The following TRRAP variants were observed in gnomAD, a reference collection of about 807,000 sequenced individuals.
TRRAP encodes the protein transformation/transcription domain associated protein, also known as transformation/transcription domain-associated protein.
A neutral mutation model predicts 438.8 loss-of-function variants in TRRAP; 41 were observed. That is an observed-to-expected ratio of 0.09 (90% confidence interval 0.07 to 0.12). The LOEUF (loss-of-function observed/expected upper bound fraction) is 0.12. Among genes scored for constraint, TRRAP ranks in the 10% least tolerant of loss-of-function variants. The pLI, the probability that TRRAP is intolerant of heterozygous loss-of-function variation, is 1.00. For synonymous variants in TRRAP, 1,994 were observed against 1,962.9 expected, an observed-to-expected ratio of 1.02 and a Z score of -0.42; for missense variants, 3,122 against 5,055.1, an observed-to-expected ratio of 0.62 and a Z score of 11.60.
intron 21 of TRRAP, among the ~76,000 whole-genome samples, chr7:98,924,353 A>G (rs1275881409): frequency 1.3e-5 from 2 of 152,220 alleles, no homozygotes; most frequent in Non-Finnish European, 2.9e-5. Flanking sequence ...TTAAAGCTGT[A>G]TTGTATTAAA....
rs764679937 is a variant in TRRAP at position 98,964,590 on chromosome 7, T to C, written c.6830-39T>C. The C allele has an allele frequency of 2.5e-6, 4 of 1,598,886 alleles. No individual in the cohort carries two copies. The South Asian group carries it at 3.4e-5, about 14-fold the overall frequency. On this transcript the variant is annotated intron_variant, in intron 47 of 72. Transcript: ENST00000456197. ...CTTTCACTCTGTTTTTCGTGGTTGT[T>C]ACTTTTCTGTGAAACACTTGGCAAT...
At chr7:99,004,701 G>A (rs1330810028) in intron 68 of TRRAP, among the ~76,000 whole-genome samples, 1 of 152,200 alleles carries the variant, frequency 6.6e-6, no homozygotes, top group Non-Finnish European at 1.5e-5. Context: ...GTAAATCCTC[G>A]AAGCACAGTA....
chr7:98,936,241 T>A (rs1396644086), intron 28 of TRRAP, among the ~76,000 whole-genome samples: 1 of 152,210 alleles, frequency 6.6e-6, no homozygotes, highest in Non-Finnish European at 1.5e-5. Flanking sequence ...ATTTTTATGC[T>A]CTTAATAACA....
chr7:98,892,898 C>T (rs782363135), intron 5 of TRRAP, among the ~76,000 whole-genome samples: 1 of 152,172 alleles, frequency 6.6e-6, no homozygotes, highest in African/African-American at 2.4e-5. Flanking sequence ...GAGTATCTCA[C>T]ATCCTTGGGG....
chr7:98,916,751 T>C (rs1244103019), intron 19 of TRRAP, among the ~76,000 whole-genome samples: 1 of 152,294 alleles, frequency 6.6e-6, no homozygotes, highest in African/African-American at 2.4e-5. Flanking sequence ...TCATTCAAGC[T>C]GACCCTGTGC....
chr7:98,937,315 T>C (rs782163285), intron 29 of TRRAP, 38 bp downstream of exon 29: 5 of 1,570,652 alleles, frequency 3.2e-6, no homozygotes, highest in African/African-American at 1.4e-5. Context: ...CACGCGTGTG[T>C]GCACACACAT....
intron 67 of TRRAP, among the ~76,000 whole-genome samples, chr7:99,001,281 A>C (rs1275942814): frequency 6.6e-6 from 1 of 152,200 alleles, no homozygotes; most frequent in African/African-American, 2.4e-5. Context: ...CTCTTTGAAA[A>C]GTGAAGGGCA....
chr7:98,886,583 ATC>A (rs2116264637), intron 3 of TRRAP, among the ~76,000 whole-genome samples: 1 of 152,304 alleles, frequency 6.6e-6, no homozygotes, highest in Non-Finnish European at 1.5e-5. Flanking sequence ...GACTTTTGCA[ATC>A]TGTGTATCAA....
rs74968836 is a variant in TRRAP at position 99,005,487 on chromosome 7, G to A, written c.10753+139G>A. 0.049 allele frequency: 38,359 copies of A among 790,124 alleles called. 1,142 individuals carry two copies. The highest frequency in any genetic ancestry group is 0.07 in the Middle Eastern group (213 of 3,028). 48.9% of individuals were successfully genotyped at this position (790,124 alleles called of 1,614,324 possible). On this transcript the variant is annotated intron_variant, in intron 69 of 72. Coordinates refer to ENST00000456197, the MANE Select transcript of TRRAP (RefSeq NM_001375524.1). The surrounding 1 kb of genome is among the most constrained non-coding windows in gnomAD (Gnocchi z 5.1). The stretch of plus-strand genomic sequence containing the variant: ...GCGTCAGCAGAGAATGTTGTAGTCT[G>A]TGCTGACCAGGGAAGGCCTCAGGAA...
In TRRAP at chr7:98,930,664, T is replaced by C. The variant is rs782809152; in HGVS notation, c.3425T>C (p.Val1142Ala). 3.1e-6 allele frequency: 5 copies of C among 1,614,040 alleles called. No homozygotes were observed. The highest frequency in any genetic ancestry group is 4.2e-6 in the Non-Finnish European group (5 of 1,180,020). ...CAGCTGCCCCTGTTTTCTTACATCGTGGAGCGCCTGTGTGCATGTTGTTAT... is the reference window on the plus strand; with the variant it reads ...CAGCTGCCCCTGTTTTCTTACATCGCGGAGCGCCTGTGTGCATGTTGTTAT... ...ACQLPLFSYI[V>A]ERLCACCYEQ... The change falls in exon 25 of 73, where the codon GTG becomes GCG. Residue 1142 changes from valine (V) to alanine (A), a missense_variant. Val to Ala is a moderately conservative substitution (Grantham distance 64). Coordinates refer to ENST00000456197, the MANE Select transcript of TRRAP (RefSeq NM_001375524.1).
Position 99,013,153 on chromosome 7 carries a change from C to T in TRRAP, c.*798C>T, listed in dbSNP as rs1794495220. Reference sequence around the variant, plus strand: ...TTCGCTAGCTTTAGTCTTTCTGTTCCCATTTTTATAAATCTGAGCATTGAT... The same window carrying T: ...TTCGCTAGCTTTAGTCTTTCTGTTCTCATTTTTATAAATCTGAGCATTGAT... On this transcript the variant is annotated 3_prime_UTR_variant, in exon 73 of 73. Coordinates refer to ENST00000456197, the MANE Select transcript of TRRAP (RefSeq NM_001375524.1). 1 of 152,116 alleles carries T rather than the reference C, an allele frequency of 6.6e-6. No individual in the cohort carries two copies. Among genetic ancestry groups the T allele is most frequent in the Admixed American group, 6.5e-5 (1 of 15,282 alleles). The allele number at this position is 152,116 out of a possible 1,614,324, so 9.4% of individuals were successfully genotyped here.
intron 64 of TRRAP, 148 bp from the exon 65 acceptor site, chr7:98,991,989 A>T: frequency 1.3e-6 from 1 of 789,390 alleles, no homozygotes; most frequent in Non-Finnish European, 2.1e-6. Flanking sequence ...CTTGTGCGTC[A>T]GATCAGTGCT....
In TRRAP at chr7:98,908,815, C is replaced by G; in HGVS notation, c.1203C>G (p.Leu401=). 3.1e-6 allele frequency: 5 copies of G among 1,610,632 alleles called. No homozygotes were observed. Among genetic ancestry groups the G allele is most frequent in the Middle Eastern group, 1.7e-4 (1 of 6,060 alleles). The stretch of plus-strand genomic sequence containing the variant: ...GCGACCTCTCCCTCGCCGTCCAGCT[C>G]TTCGCCAAGAACATCGACGATGAGT... ...PLSDLSLAVQ[L]FAKNIDDESL... The change falls in exon 14 of 73, where the codon CTC becomes CTG. Residue 401 remains leucine (L), a synonymous_variant. Transcript: ENST00000456197. The surrounding 1 kb of genome is among the most constrained non-coding windows in gnomAD (Gnocchi z 4.1).
chr7:98,976,844 C>G lies in TRRAP; in HGVS notation c.8247+74C>G. 6.3e-7 allele frequency: 1 copy of G among 1,599,166 alleles called. No homozygotes were observed. The highest frequency in any genetic ancestry group is 8.5e-7 in the Non-Finnish European group (1 of 1,171,590). On this transcript the variant is annotated intron_variant, in intron 55 of 72. Transcript: ENST00000456197. This position sits in a 1 kb window ranked among gnomAD's most constrained non-coding sequence, Gnocchi z 4.6. Reference sequence around the variant, plus strand: ...TCACACTTTAAATAAATACTCCTCCCAAATGATTTCAAATGACAGCACAGT... The same window carrying G: ...TCACACTTTAAATAAATACTCCTCCGAAATGATTTCAAATGACAGCACAGT...
chr7:98,966,179 G>A (rs930401103), intron 49 of TRRAP, among the ~76,000 whole-genome samples: 6 of 151,758 alleles, frequency 4.0e-5, no homozygotes, highest in African/African-American at 7.2e-5. Context: ...GGTGGCGGGC[G>A]CCTGCAGTCC....
chr7:98,888,024 A>C (rs1554404224), intron 3 of TRRAP, among the ~76,000 whole-genome samples: 1 of 151,816 alleles, frequency 6.6e-6, no homozygotes, highest in East Asian at 1.9e-4. Context: ...AGGTCAGGAG[A>C]TCGAGACCAT....
At chr7:98,946,468 A>T (rs533240830) in intron 33 of TRRAP, among the ~76,000 whole-genome samples, 1 of 149,784 alleles carries the variant, frequency 6.7e-6, no homozygotes, top group Non-Finnish European at 1.5e-5. Context: ...GTGCACACAG[A>T]CCACACGTGC....
intron 67 of TRRAP, among the ~76,000 whole-genome samples, chr7:99,000,223 G>T (rs1048434184): frequency 1.7e-4 from 26 of 152,108 alleles, no homozygotes; most frequent in African/African-American, 6.0e-4. Flanking sequence ...TGGCCAGGCT[G>T]GTTTTGAACT....
At chr7:98,983,166 T>A in intron 59 of TRRAP, 98 bp from the exon 60 acceptor site, 2 of 1,146,736 alleles carry the variant, frequency 1.7e-6, no homozygotes, top group Non-Finnish European at 1.2e-6. Context: ...CATCATAAGA[T>A]CTTTGCGATA....
Sources: gnomAD v4.1 joint callset for allele counts (sites outside exome capture counted in the v4.1 genomes callset) on GRCh38, gnomAD v4.1.1 for gene constraint, Gnocchi (gnomAD v3.1) non-coding constraint, MANE v1.5 for transcripts, NCBI Gene and HGNC (gene_info 2026-07-23, HGNC 2026-07-21) for gene names.